Variants in MYT1L observed in about 807,000 individuals in gnomAD.
The protein encoded by MYT1L is myelin transcription factor 1 like.
A neutral mutation model predicts 126.7 loss-of-function variants in MYT1L; 12 were observed. The observed-to-expected ratio is 0.09, with a 90% CI of 0.06 to 0.15. The LOEUF (loss-of-function observed/expected upper bound fraction) is 0.15. Ranked by LOEUF, MYT1L falls within the 10% of genes least tolerant of loss-of-function variation. The probability of loss-of-function intolerance (pLI) is 1.00; values close to 1 mark genes in which losing one functional copy is unlikely to be tolerated. For synonymous variants in MYT1L, 541 were observed against 604.2 expected (o/e 0.90, Z 1.53); for missense variants, 979 against 1,585.2 (o/e 0.62, Z 6.49).
chr2:2,219,208 A>G (rs2093781102), intron 2 of MYT1L, among the ~76,000 whole-genome samples: 1 of 152,102 alleles, frequency 6.6e-6, no homozygotes, highest in African/African-American at 2.4e-5. Context: ...GGTGCTATAG[A>G]GAAGTGCTGA....
chr2:2,178,625 A>G (rs935987258), intron 2 of MYT1L, among the ~76,000 whole-genome samples: 1 of 152,190 alleles, frequency 6.6e-6, no homozygotes, highest in African/African-American at 2.4e-5. Context: ...GTTTGCCTGC[A>G]GCCCACTCAT....
At chr2:2,276,501 C>T (rs748756970) in intron 2 of MYT1L, among the ~76,000 whole-genome samples, 13 of 152,070 alleles carry the variant, frequency 8.5e-5, no homozygotes, top group Non-Finnish European at 1.2e-4. Flanking sequence ...GGCTGGGGAA[C>T]GGGGAGGGCT....
chr2:1,894,498 A>T (rs1430665795), intron 14 of MYT1L, among the ~76,000 whole-genome samples: 1 of 152,174 alleles, frequency 6.6e-6, no homozygotes, highest in Non-Finnish European at 1.5e-5. Context: ...ATAATTTACA[A>T]TTTTGTTAAG....
chr2:2,245,707 A>G (rs956746286), intron 2 of MYT1L, among the ~76,000 whole-genome samples: 3 of 152,158 alleles, frequency 2.0e-5, no homozygotes, highest in African/African-American at 7.2e-5. Context: ...AGGGCTCAGC[A>G]CCATCCACTC....
At chr2:2,091,926 C>T (rs769266258) in intron 3 of MYT1L, among the ~76,000 whole-genome samples, 47 of 152,216 alleles carry the variant, frequency 3.1e-4, no homozygotes, top group Non-Finnish European at 5.9e-4. Context: ...GAGTTAGGGC[C>T]TTTCTCTGGA....
chr2:1,814,926 C>A (rs1007005152), intron 21 of MYT1L, among the ~76,000 whole-genome samples: 3 of 152,178 alleles, frequency 2.0e-5, no homozygotes, highest in African/African-American at 4.8e-5. Flanking sequence ...GAAGTACAGG[C>A]TTGGAAGTCA....
At chr2:2,184,829 G>A (rs940994518) in intron 2 of MYT1L, among the ~76,000 whole-genome samples, 3 of 152,080 alleles carry the variant, frequency 2.0e-5, no homozygotes, top group Non-Finnish European at 4.4e-5. Context: ...TCGGTGGTTG[G>A]GGTTGGCTTG....
chr2:1,792,941 C>T (rs565826311), intron 23 of MYT1L, among the ~76,000 whole-genome samples: 2 of 150,980 alleles, frequency 1.3e-5, no homozygotes, highest in African/African-American at 2.4e-5. Flanking sequence ...GACCTGCTGC[C>T]TATGCTTTGG....
At chr2:1,860,596 A>G (rs2044463730) in intron 18 of MYT1L, among the ~76,000 whole-genome samples, 1 of 152,170 alleles carries the variant, frequency 6.6e-6, no homozygotes, top group South Asian at 2.1e-4. Context: ...CATGTTTTAA[A>G]ATACATTTTA....
At chr2:2,262,125 C>T (rs996159365) in intron 2 of MYT1L, among the ~76,000 whole-genome samples, 1 of 152,082 alleles carries the variant, frequency 6.6e-6, no homozygotes, top group Non-Finnish European at 1.5e-5. Context: ...TGAATCCCAA[C>T]AGCTAGAATA....
In MYT1L at chr2:1,979,662, A is replaced by C; in HGVS notation, c.55+61T>G. 6.2e-7 allele frequency: 1 copy of C among 1,609,318 alleles called. No homozygotes were observed. The highest frequency in any genetic ancestry group is 2.2e-5 in the East Asian group (1 of 44,842). On this transcript the variant is annotated intron_variant, in intron 6 of 24. Transcript: ENST00000647738. This position sits in a 1 kb window ranked among gnomAD's most constrained non-coding sequence, Gnocchi z 4.0. ...TGAAAGTGGGGTCAGAATCGACCTCAGTTCCGCAGGATGAAGGTGACCCTG... is the reference window on the plus strand; with the variant it reads ...TGAAAGTGGGGTCAGAATCGACCTCCGTTCCGCAGGATGAAGGTGACCCTG...
intron 8 of MYT1L, among the ~76,000 whole-genome samples, chr2:1,971,724 C>G (rs532457359): frequency 6.6e-6 from 1 of 152,240 alleles, no homozygotes; most frequent in South Asian, 2.1e-4. Flanking sequence ...GAGCGAGACT[C>G]CATCTCAAAA....
intron 3 of MYT1L, among the ~76,000 whole-genome samples, chr2:2,144,849 C>T (rs2084637873): frequency 1.3e-5 from 2 of 152,184 alleles, no homozygotes; most frequent in Non-Finnish European, 2.9e-5. Context: ...AACGTCCACA[C>T]CTCACCACCT....
chr2:1,847,309 T>G (rs1357636229), intron 19 of MYT1L, among the ~76,000 whole-genome samples: 1 of 152,180 alleles, frequency 6.6e-6, no homozygotes, highest in Non-Finnish European at 1.5e-5. Context: ...TCTTTTGTGA[T>G]TAGAGGCCAT....
intron 4 of MYT1L, among the ~76,000 whole-genome samples, chr2:2,032,169 C>A (rs1189657745): frequency 9.5e-6 from 1 of 104,894 alleles, no homozygotes. Flanking sequence ...ACACCCGTTG[C>A]CAGTGCCTCT....
chr2:1,980,316 C>CTA (rs142559534), intron 5 of MYT1L, among the ~76,000 whole-genome samples: 27,781 of 146,436 alleles, frequency 0.19, 3,850 homozygotes, highest in African/African-American at 0.4. Flanking sequence ...ATATTTATAT[C>CTA]TATATATACA....
chr2:2,276,844 C>A (rs932887469), intron 2 of MYT1L, among the ~76,000 whole-genome samples: 1 of 152,198 alleles, frequency 6.6e-6, no homozygotes, highest in Admixed American at 6.5e-5. Flanking sequence ...CCACACCCCC[C>A]TGGAAGCCCT....
chr2:1,976,883 T>G (rs573329390), intron 8 of MYT1L, among the ~76,000 whole-genome samples: 128 of 152,310 alleles, frequency 8.4e-4, no homozygotes, highest in African/African-American at 3.0e-3. Flanking sequence ...TTTTACATAA[T>G]AAAGTCTGCA....
At chr2:2,266,965 T>C (rs1251698584) in intron 2 of MYT1L, among the ~76,000 whole-genome samples, 1 of 152,206 alleles carries the variant, frequency 6.6e-6, no homozygotes, top group East Asian at 1.9e-4. Context: ...GCGTCTTCGT[T>C]AGCAGCATGA....
Sources: gnomAD v4.1 joint callset for allele counts (sites outside exome capture counted in the v4.1 genomes callset) on GRCh38, gnomAD v4.1.1 for gene constraint, Gnocchi (gnomAD v3.1) non-coding constraint, MANE v1.5 for transcripts, NCBI Gene and HGNC (gene_info 2026-07-23, HGNC 2026-07-21) for gene names.